Variants in BIVM observed in about 807,000 individuals in gnomAD.
BIVM encodes basic immunoglobulin-like variable motif-containing protein.
Under a neutral mutation model 61.4 loss-of-function variants are expected in BIVM, and 31 were observed. That is an observed-to-expected ratio of 0.51 (90% CI 0.38 to 0.68). BIVM has a LOEUF of 0.68. Among genes scored for constraint, BIVM ranks in the 30% least tolerant of loss-of-function variants. The pLI is 0.00. For synonymous variants in BIVM, 189 were observed against 210.7 expected (o/e 0.90, Z 0.89); for missense variants, 526 against 596.0 (o/e 0.88, Z 1.22).
intron 7 of BIVM, among the ~76,000 whole-genome samples, chr13:102,830,101 T>C (rs1252378133): frequency 1.3e-5 from 2 of 152,186 alleles, no homozygotes; most frequent in Non-Finnish European, 2.9e-5. Context: ...TCATTAAGTT[T>C]CATCTTGAAT....
intron 8 of BIVM, among the ~76,000 whole-genome samples, chr13:102,833,859 A>G (rs1054299587): frequency 6.6e-6 from 1 of 152,154 alleles, no homozygotes; most frequent in Admixed American, 6.5e-5. Context: ...GGTATACTGT[A>G]TGTTTCTTTT....
rs1047084991 is a variant in BIVM, at chr13:102,799,345, A to C, written c.-383A>C. On this transcript the variant is annotated 5_prime_UTR_variant, in exon 1 of 11. Transcript: ENST00000257336. ...TTGAAAGGAAGGTGCTGTCAATGCT[A>C]TCCGACGACCTGTCGCCGGGCACCG... The C allele has an allele frequency of 5.6e-5, 9 of 160,214 alleles. No homozygotes were observed. Among genetic ancestry groups the C allele is most frequent in the African/African-American group, 1.9e-4 (8 of 41,844 alleles). The allele number at this position is 160,214 out of a possible 1,614,324, so 9.9% of individuals were successfully genotyped here. A position where few individuals can be genotyped will look rare whatever the true frequency, so the allele number is the denominator to read the frequency against.
rs978422642 is a variant in BIVM, at chr13:102,807,504, G to A, written c.237G>A (p.Ala79=). 11 of 1,614,088 alleles carry A rather than the reference G, an allele frequency of 6.8e-6. No homozygotes were observed. The highest frequency in any genetic ancestry group is 2.2e-5 in the East Asian group (1 of 44,890). The change falls in exon 3 of 11, where the codon GCG becomes GCA. Residue 79 remains alanine, a synonymous_variant. Transcript: ENST00000257336. The surrounding 1 kb of genome is among the most constrained non-coding windows in gnomAD (Gnocchi z 4.0). ...ICSDYAFLNQ[A]TSIYKTPNPS... The stretch of plus-strand genomic sequence containing the variant: ...CGGACTATGCCTTTCTCAACCAGGC[G>A]ACCTCAATCTATAAAACTCCAAATC...
intron 9 of BIVM, 92 bp from the exon 10 acceptor site, chr13:102,838,551 A>G: frequency 9.8e-7 from 1 of 1,019,632 alleles, no homozygotes; most frequent in Non-Finnish European, 1.4e-6. Flanking sequence ...TTGCTGTGAT[A>G]ATATTGCAGC....
Position 102,839,742 on chromosome 13 carries a change from G to A in BIVM, c.1389G>A (p.Gly463=), listed in dbSNP as rs34572873. The change falls in exon 11 of 11, where the codon GGG becomes GGA. Residue 463 remains glycine (G), a synonymous_variant. Coordinates refer to ENST00000257336, the MANE Select transcript of BIVM (RefSeq NM_017693.4). ...ACAATATTTCCAAGAAGCAGCATGG[G>A]CGTCTGGGCCGGTCTTTCAGTGCTA... is the stretch of plus-strand genomic sequence containing the variant. The part of the protein sequence containing the change: ...SEDNISKKQH[G]RLGRSFSASF... 15,052 of 1,614,194 alleles carry A rather than the reference G, an allele frequency of 9.3e-3. 123 individuals are homozygous for A. Among genetic ancestry groups the A allele is most frequent in the South Asian group, 0.025 (2,251 of 91,084 alleles).
intron 8 of BIVM, among the ~76,000 whole-genome samples, chr13:102,833,345 T>TTTTTA (rs71131027): frequency 6.9e-6 from 1 of 145,850 alleles, no homozygotes; most frequent in African/African-American, 2.5e-5. Context: ...TTTTTTTTTT[T>TTTTTA]GAGACAAGGC....
At chr13:102,818,672 C>A (rs1388255301) in intron 4 of BIVM, among the ~76,000 whole-genome samples, 1 of 152,124 alleles carries the variant, frequency 6.6e-6, no homozygotes, top group Non-Finnish European at 1.5e-5. Context: ...ATCACCAGGA[C>A]TATAAGCCTG....
At chr13:102,827,550 TG>T (rs1457778185) in intron 7 of BIVM, among the ~76,000 whole-genome samples, 1 of 152,222 alleles carries the variant, frequency 6.6e-6, no homozygotes, top group Admixed American at 6.5e-5. Context: ...GGAATATTTT[TG>T]TCTTTACCTT....
Position 102,816,523 on chromosome 13 carries a change from A to C in BIVM, c.574A>C (p.Lys192Gln). 1 of 1,589,242 alleles carries C rather than the reference A, an allele frequency of 6.3e-7. No homozygotes were observed. Among genetic ancestry groups the C allele is most frequent in the Non-Finnish European group, 8.5e-7 (1 of 1,171,804 alleles). The change falls in exon 4 of 11, where the codon AAA becomes CAA. Residue 192 changes from lysine to glutamine, a missense_variant. Lys to Gln is a moderately conservative substitution (Grantham distance 53). Coordinates refer to ENST00000257336, the MANE Select transcript of BIVM (RefSeq NM_017693.4). ...TCAGCATTCTCCTCTTGAAGATATT[A>C]AACAGCGGAAAGTATTAGACCTCAG... ...CPQHSPLEDI[K>Q]QRKVLDLRRW...
chr13:102,828,567 A>C (rs1254482564), intron 7 of BIVM, among the ~76,000 whole-genome samples: 2 of 152,210 alleles, frequency 1.3e-5, no homozygotes, highest in East Asian at 3.9e-4. Flanking sequence ...GTTTTCTCCA[A>C]TTAATATTAG....
At chr13:102,802,352 G>A (rs1337793169) in intron 1 of BIVM, among the ~76,000 whole-genome samples, 2 of 152,148 alleles carry the variant, frequency 1.3e-5, no homozygotes, top group African/African-American at 2.4e-5. Flanking sequence ...AAGCCCCCTT[G>A]GCCTCTTGGG....
At chr13:102,810,783 T>C (rs1467987599) in intron 3 of BIVM, among the ~76,000 whole-genome samples, 2 of 152,232 alleles carry the variant, frequency 1.3e-5, no homozygotes, top group South Asian at 2.1e-4. Context: ...CAGGCTGGAG[T>C]GCAGTGGCAC....
chr13:102,831,985 C>CAA (rs112012879), intron 8 of BIVM, among the ~76,000 whole-genome samples: 79 of 149,110 alleles, frequency 5.3e-4, no homozygotes, highest in East Asian at 7.8e-4. Flanking sequence ...GCAGAACTTG[C>CAA]AAAAAAAAAA....
At chr13:102,823,411 T>C (rs1489536826) in intron 7 of BIVM, among the ~76,000 whole-genome samples, 1 of 152,204 alleles carries the variant, frequency 6.6e-6, no homozygotes, top group Non-Finnish European at 1.5e-5. Flanking sequence ...CCTTTTATCT[T>C]TCTATATTTG....
At chr13:102,821,643 T>C (rs1880294206) in intron 5 of BIVM, 100 bp from the exon 6 acceptor site, 1 of 947,268 alleles carries the variant, frequency 1.1e-6, no homozygotes, top group South Asian at 2.4e-5. Flanking sequence ...ATATTACTAA[T>C]ATTATTTGCA....
intron 8 of BIVM, among the ~76,000 whole-genome samples, chr13:102,832,737 C>T (rs377763767): frequency 6.6e-6 from 1 of 152,296 alleles, no homozygotes; most frequent in Admixed American, 6.5e-5. Context: ...ATTTTTATTT[C>T]CAATGTCAGA....
At chr13:102,814,369 G>A (rs1257039118) in intron 3 of BIVM, among the ~76,000 whole-genome samples, 2 of 152,040 alleles carry the variant, frequency 1.3e-5, no homozygotes, top group African/African-American at 2.4e-5. Flanking sequence ...TATGAAGTAC[G>A]CTCATTTGGG....
intron 1 of BIVM, among the ~76,000 whole-genome samples, chr13:102,803,671 A>G (rs1878884402): frequency 6.6e-6 from 1 of 151,940 alleles, no homozygotes; most frequent in African/African-American, 2.4e-5. Context: ...AACTCACTCT[A>G]ATAACCTTTG....
chr13:102,807,277 G>T lies in BIVM; in HGVS notation c.10G>T (p.Val4Phe). ...TTTTACACTGCATTCAATGCCTAAC[G>T]TTGCAGAAACAGAAAGGTCAAATGA... MPN[V>F]AETERSNDSG... The change falls in exon 3 of 11, where the codon GTT (valine) becomes TTT (phenylalanine). Residue 4 changes from valine (V) to phenylalanine (F), a missense_variant. By Grantham distance (50) the Val-to-Phe change is conservative. Around this residue, in one of 3 missense-constraint regions of BIVM, gnomAD observed 312 missense variants for 343.8 expected, o/e 0.91. Coordinates refer to ENST00000257336, the MANE Select transcript of BIVM (RefSeq NM_017693.4). This position sits in a 1 kb window ranked among gnomAD's most constrained non-coding sequence, Gnocchi z 4.0. 1.2e-6 allele frequency: 2 copies of T among 1,605,260 alleles called. No individual in the cohort carries two copies. Among genetic ancestry groups the T allele is most frequent in the East Asian group, 2.2e-5 (1 of 44,668 alleles).
Sources: gnomAD v4.1 joint callset for allele counts (sites outside exome capture counted in the v4.1 genomes callset) on GRCh38, gnomAD v4.1.1 for gene constraint, gnomAD v4.1.1 regional missense constraint, Gnocchi (gnomAD v3.1) non-coding constraint, MANE v1.5 for transcripts, NCBI Gene and HGNC (gene_info 2026-07-23, HGNC 2026-07-21) for gene names.